NR6A1: variants seen among roughly 807,000 people sequenced by gnomAD.
NR6A1 encodes the protein nuclear receptor subfamily 6 group A member 1.
Under a neutral mutation model 59.1 loss-of-function variants are expected in NR6A1, and 7 were observed. The ratio of observed to expected loss-of-function variants is 0.12; its 90% CI spans 0.07 to 0.22. The LOEUF (loss-of-function observed/expected upper bound fraction) is 0.22. NR6A1 is among the 10% of genes least tolerant of loss of function. The pLI, the probability that NR6A1 is intolerant of heterozygous loss-of-function variation, is 1.00. For synonymous variants in NR6A1, 243 were observed against 236.1 expected, an observed-to-expected ratio of 1.03 and a Z score of -0.27; for missense variants, 468 against 611.6, an observed-to-expected ratio of 0.77 and a Z score of 2.48.
chr9:124,580,661 A>G (rs1476925549), intron 2 of NR6A1, among the ~76,000 whole-genome samples: 1 of 152,034 alleles, frequency 6.6e-6, no homozygotes, highest in Non-Finnish European at 1.5e-5. Context: ...CTCTACTAAA[A>G]ATATAAGAAG....
chr9:124,626,606 C>T (rs1379693080), intron 2 of NR6A1, among the ~76,000 whole-genome samples: 1 of 152,086 alleles, frequency 6.6e-6, no homozygotes, highest in Non-Finnish European at 1.5e-5. Context: ...ACTTTTTGGC[C>T]TGCTGCCTGG....
chr9:124,528,648 C>T (rs1437962830), intron 7 of NR6A1, among the ~76,000 whole-genome samples: 1 of 151,866 alleles, frequency 6.6e-6, no homozygotes, highest in African/African-American at 2.4e-5. Flanking sequence ...CTGCAGTGAG[C>T]TGTGACTGTT....
intron 3 of NR6A1, among the ~76,000 whole-genome samples, chr9:124,547,090 C>T (rs923260416): frequency 6.6e-6 from 1 of 152,218 alleles, no homozygotes; most frequent in Non-Finnish European, 1.5e-5. Flanking sequence ...CTCCTGTGTG[C>T]AGTATTACAG....
At chr9:124,582,927 C>A (rs1012975747) in intron 2 of NR6A1, among the ~76,000 whole-genome samples, 3 of 152,174 alleles carry the variant, frequency 2.0e-5, no homozygotes, top group African/African-American at 7.2e-5. Flanking sequence ...GAGGTGGTTA[C>A]AGAGATTACA....
intron 2 of NR6A1, among the ~76,000 whole-genome samples, chr9:124,562,079 C>A (rs1834099598): frequency 6.6e-6 from 1 of 152,164 alleles, no homozygotes. Context: ...GACAAAGAAA[C>A]AATTGGCATA....
Position 124,664,942 on chromosome 9 carries a change from C to T in NR6A1, c.142+68366G>A, listed in dbSNP as rs147451215. 6.5e-4 allele frequency among the ~76,000 whole-genome samples: 88 copies of T among 136,218 alleles called. 1 individual carries two copies. In the East Asian group the frequency reaches 0.018, roughly 29 times the overall value. The allele number at this position is 136,218 out of a possible 152,430, so 89.4% of individuals were successfully genotyped here. On this transcript the variant is annotated intron_variant, in intron 2 of 9. Coordinates refer to ENST00000487099, the MANE Select transcript of NR6A1 (RefSeq NM_033334.4). ...AATCCCAGCACTTTGGGAGGCAAAG[C>T]TGGGAGGATCACTAGAGCCCAGGAG...
chr9:124,711,830 C>T (rs1839288663), intron 2 of NR6A1, among the ~76,000 whole-genome samples: 1 of 152,200 alleles, frequency 6.6e-6, no homozygotes. Flanking sequence ...TCTCACTATG[C>T]TGCCCAGGCT....
intron 7 of NR6A1, among the ~76,000 whole-genome samples, chr9:124,527,767 C>T (rs959242262): frequency 5.5e-5 from 8 of 145,222 alleles, no homozygotes; most frequent in African/African-American, 2.0e-4. Flanking sequence ...TAGGAGTGAG[C>T]TCTCTGAGGA....
At chr9:124,565,314 A>C (rs1265156556) in intron 2 of NR6A1, among the ~76,000 whole-genome samples, 2 of 151,998 alleles carry the variant, frequency 1.3e-5, no homozygotes, top group Non-Finnish European at 1.5e-5. Flanking sequence ...GTAGTCCCAG[A>C]TACCCAGGAG....
intron 2 of NR6A1, among the ~76,000 whole-genome samples, chr9:124,559,346 G>C (rs1361320649): frequency 6.6e-6 from 1 of 152,126 alleles, no homozygotes; most frequent in Admixed American, 6.5e-5. Flanking sequence ...AGTTATAATG[G>C]TTCAAAGGCT....
At chr9:124,764,183 C>CAA (rs199757295) in intron 1 of NR6A1, among the ~76,000 whole-genome samples, 1 of 117,722 alleles carries the variant, frequency 8.5e-6, no homozygotes, top group Non-Finnish European at 1.9e-5. Flanking sequence ...GACTCCATCA[C>CAA]AAAAAAAAAA....
chr9:124,590,323 A>T (rs1395169594), intron 2 of NR6A1, among the ~76,000 whole-genome samples: 1 of 151,838 alleles, frequency 6.6e-6, no homozygotes, highest in Admixed American at 6.6e-5. Flanking sequence ...AATAAGTCAC[A>T]AGAAATACCT....
At chr9:124,572,929 T>G (rs2131435327) in intron 2 of NR6A1, among the ~76,000 whole-genome samples, 1 of 152,330 alleles carries the variant, frequency 6.6e-6, no homozygotes, top group South Asian at 2.1e-4. Flanking sequence ...AAGTGAGGCC[T>G]GAAGGATACT....
intron 2 of NR6A1, among the ~76,000 whole-genome samples, chr9:124,568,303 T>C (rs1588673664): frequency 6.7e-6 from 1 of 150,044 alleles, no homozygotes; most frequent in Non-Finnish European, 1.5e-5. Flanking sequence ...CTGGCCAATA[T>C]GGTGAAACCC....
intron 2 of NR6A1, among the ~76,000 whole-genome samples, chr9:124,570,460 CAA>C (rs1834408014): frequency 6.6e-6 from 1 of 152,170 alleles, no homozygotes; most frequent in African/African-American, 2.4e-5. Flanking sequence ...GGCCTAGAAA[CAA>C]ACTACAATGA....
chr9:124,576,332 G>A (rs1397499274), intron 2 of NR6A1, among the ~76,000 whole-genome samples: 1 of 152,050 alleles, frequency 6.6e-6, no homozygotes, highest in African/African-American at 2.4e-5. Flanking sequence ...TCTGTCACCA[G>A]GCTGGAGCAC....
At chr9:124,642,334 G>C (rs1251936003) in intron 2 of NR6A1, among the ~76,000 whole-genome samples, 1 of 152,226 alleles carries the variant, frequency 6.6e-6, no homozygotes, top group African/African-American at 2.4e-5. Flanking sequence ...ACAGGCGTGA[G>C]GCACTGCGCC....
intron 1 of NR6A1, among the ~76,000 whole-genome samples, chr9:124,749,340 ACTT>A (rs1840430581): frequency 6.6e-6 from 1 of 152,098 alleles, no homozygotes; most frequent in Non-Finnish European, 1.5e-5. Context: ...CTCAGAAAAG[ACTT>A]CTTAATTTAA....
intron 2 of NR6A1, among the ~76,000 whole-genome samples, chr9:124,667,359 GTA>G (rs1391473101): frequency 1.3e-5 from 2 of 151,986 alleles, no homozygotes; most frequent in African/African-American, 4.8e-5. Context: ...TCATATTCAT[GTA>G]TATGAGAATA....
Sources: allele counts gnomAD v4.1 joint callset (sites outside exome capture counted in the v4.1 genomes callset), GRCh38; gene constraint gnomAD v4.1.1; transcripts MANE v1.5; gene names NCBI Gene and HGNC (gene_info 2026-07-23, HGNC 2026-07-21).